DENND4C: variants seen among roughly 807,000 people sequenced by gnomAD.
DENND4C encodes DENN domain containing 4C.
A neutral mutation model predicts 203.0 loss-of-function variants in DENND4C; 108 were observed. The observed-to-expected ratio is 0.53, with a 90% CI of 0.46 to 0.62. DENND4C has a LOEUF of 0.62. DENND4C is among the 20% of genes least tolerant of loss of function. The probability of loss-of-function intolerance (pLI) is 0.00; values close to 1 mark genes in which losing one functional copy is unlikely to be tolerated. For synonymous variants in DENND4C, 871 were observed against 792.4 expected (o/e 1.10, Z -1.67); for missense variants, 2,481 against 2,301.2 (o/e 1.08, Z -1.60).
intron 29 of DENND4C, among the ~76,000 whole-genome samples, chr9:19,361,149 G>A (rs761301046): frequency 4.6e-5 from 7 of 152,148 alleles, no homozygotes; most frequent in African/African-American, 7.2e-5. Flanking sequence ...AGGCGTGAGC[G>A]ACTGTGCCCG....
intron 30 of DENND4C, 46 bp from the exon 31 acceptor site, chr9:19,369,791 A>G: frequency 8.8e-7 from 1 of 1,142,362 alleles, no homozygotes; most frequent in Non-Finnish European, 1.1e-6. Context: ...AATAATAATA[A>G]TAATAGTAAT....
chr9:19,276,091 G>A (rs1224905790), intron 1 of DENND4C, 67 bp from the exon 2 acceptor site: 2 of 773,840 alleles, frequency 2.6e-6, no homozygotes, highest in Non-Finnish European at 3.5e-6. Context: ...GTTAACTCAA[G>A]GATATATTAA....
intron 10 of DENND4C, among the ~76,000 whole-genome samples, chr9:19,311,369 G>A (rs767117702): frequency 1.3e-5 from 2 of 152,002 alleles, no homozygotes; most frequent in Admixed American, 6.5e-5. Context: ...CAGGTGATCC[G>A]CCCACCTCGG....
intron 5 of DENND4C, 115 bp from the exon 6 acceptor site, chr9:19,295,893 A>G: frequency 2.8e-6 from 2 of 726,280 alleles, no homozygotes; most frequent in Non-Finnish European, 4.3e-6. Context: ...TTTTTTTCAT[A>G]ATTTATCTGT....
intron 10 of DENND4C, among the ~76,000 whole-genome samples, chr9:19,314,656 A>C (rs1400491849): frequency 6.6e-6 from 1 of 152,202 alleles, no homozygotes; most frequent in Admixed American, 6.5e-5. Flanking sequence ...AGAAAAAAAA[A>C]CTGCATGTGA....
chr9:19,341,099 A>C lies in DENND4C; in HGVS notation c.2989A>C (p.Lys997Gln). The C allele has an allele frequency of 6.2e-7, 1 of 1,611,300 alleles. No homozygotes were observed. Among genetic ancestry groups the C allele is most frequent in the African/African-American group, 1.3e-5 (1 of 74,854 alleles). The change falls in exon 21 of 33, where the codon AAA (lysine) becomes CAA (glutamine). Residue 997 changes from lysine to glutamine, a missense_variant. Lys to Gln is a moderately conservative substitution (Grantham distance 53). Transcript: ENST00000434457. ...QAARELITKT[K>Q]MQTEEVCDAS... ...AGCAAGAGAATTGATAACTAAAACA[A>C]AAATGCAAACAGAAGGTTAAGTACT...
At chr9:19,336,124 A>G in intron 18 of DENND4C, 146 bp from the exon 19 acceptor site, 1 of 620,066 alleles carries the variant, frequency 1.6e-6, no homozygotes, top group Non-Finnish European at 2.5e-6. Flanking sequence ...AGTAATGTTT[A>G]GCATTTTTTA....
intron 2 of DENND4C, among the ~76,000 whole-genome samples, chr9:19,279,256 G>T (rs976302238): frequency 2.4e-5 from 2 of 83,224 alleles, no homozygotes; most frequent in Non-Finnish European, 5.1e-5. Flanking sequence ...TTGAACCCGG[G>T]AGGCGGAGGT....
chr9:19,298,096 C>T lies in DENND4C; in HGVS notation c.1081C>T (p.Pro361Ser). ...HFMQNIPFPS[P>S]QRPRILVQLS... Reference sequence around the variant, plus strand: ...TATGCAAAACATCCCTTTTCCTTCACCACAAAGACCGAGAATCCTTGTCCA... The same window carrying T: ...TATGCAAAACATCCCTTTTCCTTCATCACAAAGACCGAGAATCCTTGTCCA... The change falls in exon 7 of 33, where the codon CCA (proline) becomes TCA (serine). Residue 361 changes from proline (P) to serine (S), a missense_variant. Coordinates refer to ENST00000434457, the MANE Select transcript of DENND4C (RefSeq NM_001330640.2). 6.2e-7 allele frequency: 1 copy of T among 1,610,232 alleles called. No homozygotes were observed.
rs1479098298 is a variant in DENND4C at position 19,372,235 on chromosome 9, T to G, written c.*62T>G. 1 of 1,553,624 alleles carries G rather than the reference T, an allele frequency of 6.4e-7. No homozygotes were observed. The highest frequency in any genetic ancestry group is 2.3e-5 in the East Asian group (1 of 44,182). ...GGGATTAGATTTCATCTGGAAACAT[T>G]CAAGTTTTTTTTTCCAAATCGTAAG... On this transcript the variant is annotated 3_prime_UTR_variant, in exon 33 of 33. Transcript: ENST00000434457.
In DENND4C at chr9:19,364,365, A is replaced by C. The variant is rs1827166585; in HGVS notation, c.5524+2402A>C. On this transcript the variant is annotated intron_variant, in intron 30 of 32. Transcript: ENST00000434457. Reference sequence around the variant, plus strand: ...ATTTCTGGAGAACAATATGGCAGACATGTAGATTTCATATGTGGATACCCT... The same window carrying C: ...ATTTCTGGAGAACAATATGGCAGACCTGTAGATTTCATATGTGGATACCCT... Among the ~76,000 whole-genome samples, 2 of 152,252 alleles carry C rather than the reference A, an allele frequency of 1.3e-5. 1 individual carries two copies. Among genetic ancestry groups the C allele is most frequent in the Non-Finnish European group, 2.9e-5 (2 of 68,038 alleles).
chr9:19,366,905 T>A (rs1827798414), intron 30 of DENND4C, among the ~76,000 whole-genome samples: 1 of 152,050 alleles, frequency 6.6e-6, no homozygotes, highest in Non-Finnish European at 1.5e-5. Flanking sequence ...ATCAAAAAAG[T>A]GAAAGGTCAA....
chr9:19,243,450 A>G (rs1824285686), intron 1 of DENND4C, among the ~76,000 whole-genome samples: 1 of 152,202 alleles, frequency 6.6e-6, no homozygotes, highest in South Asian at 2.1e-4. Flanking sequence ...TATTACCACA[A>G]ACTAAATGTT....
At chr9:19,331,744 G>C (rs945260599) in intron 16 of DENND4C, among the ~76,000 whole-genome samples, 2 of 152,170 alleles carry the variant, frequency 1.3e-5, no homozygotes, top group African/African-American at 4.8e-5. Context: ...TCTGTTAAGA[G>C]ACACATGCTT....
chr9:19,337,146 A>T (rs1416307211), intron 20 of DENND4C, among the ~76,000 whole-genome samples: 1 of 152,232 alleles, frequency 6.6e-6, no homozygotes, highest in Admixed American at 6.5e-5. Flanking sequence ...ACAACTTGCA[A>T]ATCTTTTTAA....
chr9:19,305,220 T>C (rs1839426494), intron 9 of DENND4C, 132 bp from the exon 10 acceptor site: 1 of 691,200 alleles, frequency 1.4e-6, no homozygotes, highest in Non-Finnish European at 2.4e-6. Context: ...CATTTAGTTT[T>C]GGAATGAAGT....
At chr9:19,272,980 G>A (rs1246331653) in intron 1 of DENND4C, among the ~76,000 whole-genome samples, 4 of 129,012 alleles carry the variant, frequency 3.1e-5, no homozygotes, top group South Asian at 4.8e-4. Flanking sequence ...ATGGAGTCTC[G>A]CTCTGTCACC....
Position 19,334,970 on chromosome 9 carries a change from T to C in DENND4C, c.2461-7T>C, listed in dbSNP as rs1820116189. On this transcript the variant is annotated splice_polypyrimidine_tract_variant and splice_region_variant and intron_variant, in intron 17 of 32. Transcript: ENST00000434457. ...AATTACTGACACTGATTTTTTTTTTTTGTTAGGTGTGCTATCGAGTAGTGA... is the reference window on the plus strand; with the variant it reads ...AATTACTGACACTGATTTTTTTTTTCTGTTAGGTGTGCTATCGAGTAGTGA... The C allele has an allele frequency of 1.9e-6, 3 of 1,581,354 alleles. No individual in the cohort carries two copies. Among genetic ancestry groups the C allele is most frequent in the Non-Finnish European group, 2.6e-6 (3 of 1,169,396 alleles).
intron 1 of DENND4C, among the ~76,000 whole-genome samples, chr9:19,255,941 A>G (rs1384726200): frequency 6.6e-6 from 1 of 152,156 alleles, no homozygotes; most frequent in Non-Finnish European, 1.5e-5. Context: ...ATTCATCAAG[A>G]CAGACCACAT....
Sources: allele counts gnomAD v4.1 joint callset (sites outside exome capture counted in the v4.1 genomes callset), GRCh38; gene constraint gnomAD v4.1.1; transcripts MANE v1.5; gene names NCBI Gene and HGNC (gene_info 2026-07-23, HGNC 2026-07-21).